Variants in PTPRT observed in about 807,000 individuals in gnomAD.
PTPRT encodes the protein receptor-type tyrosine-protein phosphatase T.
In PTPRT, 56 loss-of-function variants were observed where a neutral mutation model predicts 176.8. The observed-to-expected ratio is 0.32, with a 90% CI of 0.26 to 0.40. The LOEUF is 0.40. Ranked by LOEUF, PTPRT falls within the 10% of genes least tolerant of loss-of-function variation. The probability of loss-of-function intolerance (pLI) is 1.00; values close to 1 mark genes in which losing one functional copy is unlikely to be tolerated. For missense variants in PTPRT, 1,540 were observed against 1,908.2 expected (o/e 0.81, Z 3.60); for synonymous variants, 783 against 739.0 (o/e 1.06, Z -0.96).
chr20:42,739,963 C>T (rs2076584655), intron 6 of PTPRT, among the ~76,000 whole-genome samples: 1 of 152,154 alleles, frequency 6.6e-6, no homozygotes, highest in Non-Finnish European at 1.5e-5. Context: ...CCTGGAGGGC[C>T]TGGGTTCACA....
intron 7 of PTPRT, among the ~76,000 whole-genome samples, chr20:42,629,438 G>A (rs868427085): frequency 1.3e-5 from 2 of 152,136 alleles, no homozygotes; most frequent in Non-Finnish European, 1.5e-5. Context: ...GAGCACCTGT[G>A]AGCCAGAAGA....
At chr20:42,977,726 A>G (rs1042597857) in intron 1 of PTPRT, among the ~76,000 whole-genome samples, 5 of 152,226 alleles carry the variant, frequency 3.3e-5, no homozygotes, top group Non-Finnish European at 4.4e-5. Flanking sequence ...CATTTTTTAC[A>G]TCTGCAGATA....
At chr20:42,260,185 T>C (rs1472369812) in intron 13 of PTPRT, among the ~76,000 whole-genome samples, 1 of 152,064 alleles carries the variant, frequency 6.6e-6, no homozygotes, top group Non-Finnish European at 1.5e-5. Flanking sequence ...CAAACTTGAT[T>C]TCCACGTCAT....
At chr20:43,161,891 A>G (rs1219718898) in intron 1 of PTPRT, among the ~76,000 whole-genome samples, 1 of 152,208 alleles carries the variant, frequency 6.6e-6, no homozygotes, top group Non-Finnish European at 1.5e-5. Flanking sequence ...GATCGTGGCT[A>G]CATCACAATG....
intron 9 of PTPRT, among the ~76,000 whole-genome samples, chr20:42,419,285 T>G (rs2145763110): frequency 6.6e-6 from 1 of 152,236 alleles, no homozygotes; most frequent in Middle Eastern, 3.4e-3. Context: ...AAGTTCAAGC[T>G]CAGTTGCACA....
chr20:42,438,854 T>C (rs942951808), intron 9 of PTPRT, among the ~76,000 whole-genome samples: 1 of 152,148 alleles, frequency 6.6e-6, no homozygotes, highest in Non-Finnish European at 1.5e-5. Context: ...CCATCACAAA[T>C]ACCTGTGTCG....
At chr20:42,169,572 C>T (rs1349440320) in intron 16 of PTPRT, among the ~76,000 whole-genome samples, 1 of 151,956 alleles carries the variant, frequency 6.6e-6, no homozygotes, top group African/African-American at 2.4e-5. Context: ...AGTGAGGCAA[C>T]GATGAGGATC....
intron 6 of PTPRT, among the ~76,000 whole-genome samples, chr20:42,734,968 A>AGT (rs772988932): frequency 1.3e-5 from 2 of 152,236 alleles, no homozygotes; most frequent in African/African-American, 2.4e-5. Context: ...CCAATCAGGA[A>AGT]GTGTACTCTG....
intron 9 of PTPRT, among the ~76,000 whole-genome samples, chr20:42,352,795 G>A (rs1163503870): frequency 2.6e-5 from 4 of 151,998 alleles, no homozygotes; most frequent in African/African-American, 7.3e-5. Flanking sequence ...TGATTATTAC[G>A]CATTGCATGC....
intron 9 of PTPRT, among the ~76,000 whole-genome samples, chr20:42,443,847 G>T (rs1054430619): frequency 4.5e-4 from 69 of 152,328 alleles, no homozygotes; most frequent in Admixed American, 4.3e-3. Context: ...TTCTGCTCAG[G>T]TATAAGGTCT....
intron 7 of PTPRT, among the ~76,000 whole-genome samples, chr20:42,530,744 A>G (rs1261472752): frequency 1.3e-5 from 2 of 152,150 alleles, no homozygotes; most frequent in African/African-American, 4.8e-5. Flanking sequence ...AGGTAAAGGG[A>G]ATAGAGCGGG....
intron 1 of PTPRT, among the ~76,000 whole-genome samples, chr20:43,096,159 T>C (rs1248212059): frequency 2.7e-5 from 4 of 149,094 alleles, no homozygotes. Context: ...TTCCCCCTTC[T>C]TCTACTCTAT....
At chr20:42,987,638 G>A (rs1485310391) in intron 1 of PTPRT, among the ~76,000 whole-genome samples, 17 of 124,642 alleles carry the variant, frequency 1.4e-4, no homozygotes, top group Non-Finnish European at 2.3e-4. Flanking sequence ...CCCACACTCC[G>A]CCCACCCCTC....
rs914529898 is a variant in PTPRT at position 42,149,585 on chromosome 20, G to A, written c.2683-7583C>T. On this transcript the variant is annotated intron_variant, in intron 17 of 30. Coordinates refer to ENST00000373187, the MANE Select transcript of PTPRT (RefSeq NM_007050.6). ...ATTACAGTCCTGTGCCACCACACCC[G>A]GCTAATTTTTGTATTTTTAATAGAG... Among the ~76,000 whole-genome samples the A allele has an allele frequency of 1.5e-4, 23 of 152,020 alleles. 1 individual carries two copies. The highest frequency in any genetic ancestry group is 4.3e-4 in the African/African-American group (18 of 41,472).
intron 6 of PTPRT, among the ~76,000 whole-genome samples, chr20:42,712,847 G>A (rs558249477): frequency 6.6e-6 from 1 of 152,102 alleles, no homozygotes; most frequent in African/African-American, 2.4e-5. Flanking sequence ...TTGCAATATT[G>A]TTTGTAACAG....
At chr20:42,988,345 G>A (rs1261675106) in intron 1 of PTPRT, among the ~76,000 whole-genome samples, 1 of 152,184 alleles carries the variant, frequency 6.6e-6, no homozygotes, top group East Asian at 1.9e-4. Context: ...GGTCCATGTT[G>A]ACTATGCAGT....
chr20:42,627,461 G>A (rs2074313943), intron 7 of PTPRT, among the ~76,000 whole-genome samples: 1 of 151,876 alleles, frequency 6.6e-6, no homozygotes, highest in Non-Finnish European at 1.5e-5. Context: ...TTGTAGAGAT[G>A]AGGTCTCACT....
intron 8 of PTPRT, among the ~76,000 whole-genome samples, chr20:42,467,550 T>C (rs530864907): frequency 4.6e-5 from 7 of 152,312 alleles, no homozygotes; most frequent in Admixed American, 3.3e-4. Context: ...TAATGCAAAA[T>C]TTATTAGAGG....
intron 1 of PTPRT, among the ~76,000 whole-genome samples, chr20:43,012,385 C>G (rs1377944617): frequency 6.6e-6 from 1 of 152,016 alleles, no homozygotes; most frequent in African/African-American, 2.4e-5. Context: ...GTCAAATTTA[C>G]AGAGACATAA....
Sources: allele counts gnomAD v4.1 joint callset (sites outside exome capture counted in the v4.1 genomes callset), GRCh38; gene constraint gnomAD v4.1.1; transcripts MANE v1.5; gene names NCBI Gene and HGNC (gene_info 2026-07-23, HGNC 2026-07-21).